Variants in PTPRD observed in about 807,000 individuals in gnomAD.
The protein encoded by PTPRD is receptor-type tyrosine-protein phosphatase delta.
Under a neutral mutation model 214.5 loss-of-function variants are expected in PTPRD, and 34 were observed. That is an observed-to-expected ratio of 0.16 (90% confidence interval 0.12 to 0.21). The LOEUF (loss-of-function observed/expected upper bound fraction) is 0.21, where lower values mean the gene tolerates loss of function less well. Among genes scored for constraint, PTPRD ranks in the 10% least tolerant of loss-of-function variants. The pLI is 1.00. For missense variants in PTPRD, 2,545 were observed against 2,398.7 expected (o/e 1.06, Z -1.27); for synonymous variants, 1,128 against 845.7 (o/e 1.33, Z -5.79).
chr9:9,640,734 A>G (rs1013015227), intron 7 of PTPRD, among the ~76,000 whole-genome samples: 3 of 152,238 alleles, frequency 2.0e-5, no homozygotes, highest in Non-Finnish European at 4.4e-5. Flanking sequence ...GAGGCTGGGA[A>G]GTAGAGGGGT....
intron 11 of PTPRD, among the ~76,000 whole-genome samples, chr9:8,998,609 T>C (rs1232411802): frequency 6.6e-6 from 1 of 152,044 alleles, no homozygotes; most frequent in Non-Finnish European, 1.5e-5. Flanking sequence ...TAATACAACA[T>C]TCATTTTCTA....
At chr9:9,362,988 C>A (rs1166609633) in intron 9 of PTPRD, among the ~76,000 whole-genome samples, 2 of 151,140 alleles carry the variant, frequency 1.3e-5, no homozygotes, top group African/African-American at 4.8e-5. Flanking sequence ...ATCTAATTAA[C>A]AGGAGGCAGC....
At chr9:8,981,662 G>A (rs2099313427) in intron 11 of PTPRD, among the ~76,000 whole-genome samples, 1 of 151,892 alleles carries the variant, frequency 6.6e-6, no homozygotes, top group Non-Finnish European at 1.5e-5. Context: ...AGACTGGGCT[G>A]GGCACACAGA....
intron 9 of PTPRD, among the ~76,000 whole-genome samples, chr9:9,239,770 T>C (rs1489660360): frequency 6.6e-6 from 1 of 152,154 alleles, no homozygotes; most frequent in Non-Finnish European, 1.5e-5. Flanking sequence ...CCTGGCCCAG[T>C]TGTGACTCCT....
At chr9:9,322,169 G>A (rs1448539089) in intron 9 of PTPRD, among the ~76,000 whole-genome samples, 2 of 152,120 alleles carry the variant, frequency 1.3e-5, no homozygotes, top group Admixed American at 6.6e-5. Flanking sequence ...TGGTCTTAAA[G>A]TATTGTAGCT....
At chr9:9,562,222 T>G (rs2083151973) in intron 8 of PTPRD, among the ~76,000 whole-genome samples, 1 of 152,164 alleles carries the variant, frequency 6.6e-6, no homozygotes, top group Admixed American at 6.6e-5. Context: ...CATCCTTGAT[T>G]CCTCTTTCTC....
At chr9:10,222,474 A>C (rs951656528) in intron 3 of PTPRD, among the ~76,000 whole-genome samples, 1 of 152,122 alleles carries the variant, frequency 6.6e-6, no homozygotes, top group African/African-American at 2.4e-5. Context: ...TCTCATTTTT[A>C]ATTCCAACAA....
At chr9:8,663,925 G>A (rs1335848189) in intron 12 of PTPRD, among the ~76,000 whole-genome samples, 4 of 149,400 alleles carry the variant, frequency 2.7e-5, no homozygotes, top group East Asian at 2.0e-4. Context: ...TTAAATAATT[G>A]GCGGAAAATG....
At chr9:10,482,452 G>A (rs2099106922) in intron 2 of PTPRD, among the ~76,000 whole-genome samples, 1 of 151,736 alleles carries the variant, frequency 6.6e-6, no homozygotes, top group African/African-American at 2.4e-5. Flanking sequence ...AAGAAATAAA[G>A]GGCATTCAAA....
intron 9 of PTPRD, among the ~76,000 whole-genome samples, chr9:9,341,341 C>T (rs2046715085): frequency 6.6e-6 from 1 of 152,094 alleles, no homozygotes; most frequent in Non-Finnish European, 1.5e-5. Context: ...TTGTTAGAAA[C>T]TCTCCATTCA....
chr9:9,566,115 G>C (rs1001069279), intron 8 of PTPRD, among the ~76,000 whole-genome samples: 3 of 151,294 alleles, frequency 2.0e-5, no homozygotes, highest in Admixed American at 2.0e-4. Flanking sequence ...ATTTCATCTT[G>C]GTGTATATAT....
At chr9:9,375,408 C>T (rs2060519300) in intron 9 of PTPRD, among the ~76,000 whole-genome samples, 1 of 152,008 alleles carries the variant, frequency 6.6e-6, no homozygotes, top group African/African-American at 2.4e-5. Flanking sequence ...CCAGCCTGAC[C>T]AACATGGTGA....
At chr9:9,135,051 T>A (rs920894657) in intron 10 of PTPRD, among the ~76,000 whole-genome samples, 2 of 152,212 alleles carry the variant, frequency 1.3e-5, no homozygotes, top group Non-Finnish European at 2.9e-5. Flanking sequence ...TGAATTTCAT[T>A]AATTTGAGAT....
intron 2 of PTPRD, among the ~76,000 whole-genome samples, chr9:10,610,937 C>T (rs1352286332): frequency 6.6e-6 from 1 of 152,140 alleles, no homozygotes; most frequent in African/African-American, 2.4e-5. Context: ...ACCAATCCCC[C>T]ATGAATACAG....
At chr9:9,728,207 T>G (rs942094331) in intron 7 of PTPRD, among the ~76,000 whole-genome samples, 9 of 152,168 alleles carry the variant, frequency 5.9e-5, no homozygotes, top group African/African-American at 2.2e-4. Flanking sequence ...ATTAAACCTC[T>G]TTTTCGTTAT....
intron 39 of PTPRD, among the ~76,000 whole-genome samples, chr9:8,343,101 T>A (rs1156523669): frequency 6.6e-6 from 1 of 152,044 alleles, no homozygotes; most frequent in African/African-American, 2.4e-5. Flanking sequence ...TCAACTGAAA[T>A]GGCAGTTTCT....
chr9:10,376,809 T>G (rs745883590), intron 2 of PTPRD, among the ~76,000 whole-genome samples: 1 of 151,958 alleles, frequency 6.6e-6, no homozygotes, highest in Non-Finnish European at 1.5e-5. Context: ...ATGAGGTACA[T>G]GAGATGTTTT....
intron 9 of PTPRD, among the ~76,000 whole-genome samples, chr9:9,396,998 A>G (rs548739037): frequency 6.6e-6 from 1 of 152,182 alleles, no homozygotes; most frequent in South Asian, 2.1e-4. Flanking sequence ...TCATAGCAAT[A>G]TAAGGCAATT....
At chr9:10,467,765 T>C (rs769832759) in intron 2 of PTPRD, among the ~76,000 whole-genome samples, 3 of 152,112 alleles carry the variant, frequency 2.0e-5, no homozygotes, top group Non-Finnish European at 4.4e-5. Flanking sequence ...GATAGCTACA[T>C]AGAAAATGTT....
Sources: allele counts gnomAD v4.1 joint callset (sites outside exome capture counted in the v4.1 genomes callset), GRCh38; gene constraint gnomAD v4.1.1; transcripts MANE v1.5; gene names NCBI Gene and HGNC (gene_info 2026-07-23, HGNC 2026-07-21).